GPR153: variants seen among roughly 807,000 people sequenced by gnomAD.
GPR153 encodes the protein G protein-coupled receptor 153, also known as probable G protein-coupled receptor 153.
In GPR153, 27 loss-of-function variants were observed where a neutral mutation model predicts 34.1. The observed-to-expected ratio is 0.79, with a 90% CI of 0.58 to 1.09. GPR153 has a LOEUF of 1.09. Among genes scored for constraint, GPR153 ranks in the 50% least tolerant of loss-of-function variants. GPR153 has a pLI of 0.00. For missense variants in GPR153, 848 were observed against 860.2 expected (o/e 0.99, Z 0.18); for synonymous variants, 408 against 405.4 (o/e 1.01, Z -0.08).
rs1638381773 is a variant in GPR153 at position 6,249,441 on chromosome 1, C to T, written c.1727G>A (p.Arg576His). The T allele has an allele frequency of 3.7e-6, 5 of 1,361,058 alleles. No homozygotes were observed. Among genetic ancestry groups the T allele is most frequent in the Non-Finnish European group, 4.7e-6 (5 of 1,061,160 alleles). 84.3% of individuals were successfully genotyped at this position (1,361,058 alleles called of 1,614,324 possible). ...SASWGEPGGLRAAGGGGSTSS... is the reference protein window; with the variant it reads ...SASWGEPGGLHAAGGGGSTSS... ...GGTGCTGCCGCCGCCGCCCGCCGCG[C>T]GCAGCCCCCCGGGCTCGCCCCACGA... The change falls in exon 6 of 6, where the codon CGC (arginine) becomes CAC (histidine). Residue 576 changes from arginine (R) to histidine (H), a missense_variant. Coordinates refer to ENST00000377893, the MANE Select transcript of GPR153 (RefSeq NM_207370.4). This position sits in a 1 kb window ranked among gnomAD's most constrained non-coding sequence, Gnocchi z 4.3.
In GPR153 at chr1:6,249,550, GCGTCGGGGCCTCTCCGGGATCTGCGC is replaced by G; in HGVS notation, c.1592_1617del (p.Gly531AlafsTer166). 8.4e-7 allele frequency: 1 copy of G among 1,194,974 alleles called. No individual in the cohort carries two copies. The highest frequency in any genetic ancestry group is 3.3e-4 in the Middle Eastern group (1 of 3,028). The allele number at this position is 1,194,974 out of a possible 1,614,324, so 74.0% of individuals were successfully genotyped here. On this transcript the variant is annotated frameshift_variant, in exon 6 of 6. Coordinates refer to ENST00000377893, the MANE Select transcript of GPR153 (RefSeq NM_207370.4). LOFTEE classifies it low-confidence loss of function (END_TRUNC). The surrounding 1 kb of genome is among the most constrained non-coding windows in gnomAD (Gnocchi z 4.3). ...GGGCTCCGCTGGGCGCTGCTTGGGG[GCGTCGGGGCCTCTCCGGGATCTGCGC>G]CGTCGGGGGCGGCGGGCGCAGCGGG...
rs772445791 is a variant in GPR153, at chr1:6,254,678, G to A, written c.228C>T (p.Phe76=). Reference sequence around the variant, plus strand: ...CCTTGCAGAGACCCTCATTCCACTCGAAGTCGGGGCGCTGCCGCCGCAGCT... The same window carrying A: ...CCTTGCAGAGACCCTCATTCCACTCAAAGTCGGGGCGCTGCCGCCGCAGCT... The part of the protein sequence containing the change: ...VVQLRRQRPD[F]EWNEGLCKVF... The change falls in exon 2 of 6, where the codon TTC becomes TTT. Residue 76 remains phenylalanine, a synonymous_variant. Coordinates refer to ENST00000377893, the MANE Select transcript of GPR153 (RefSeq NM_207370.4). 38 of 1,613,582 alleles carry A rather than the reference G, an allele frequency of 2.4e-5. 1 individual carries two copies. The highest frequency in any genetic ancestry group is 1.4e-4 in the South Asian group (13 of 91,032).
chr1:6,257,051 T>C (rs981612858), intron 1 of GPR153, among the ~76,000 whole-genome samples: 2 of 152,190 alleles, frequency 1.3e-5, no homozygotes, highest in Non-Finnish European at 2.9e-5. Context: ...CAAAGCTCAA[T>C]ATCTGGGCTC....
chr1:6,249,458 G>T lies in GPR153; in HGVS notation c.1710C>A (p.Gly570=). The change falls in exon 6 of 6, where the codon GGC becomes GGA. Residue 570 remains glycine, a synonymous_variant. Transcript: ENST00000377893. The surrounding 1 kb of genome is among the most constrained non-coding windows in gnomAD (Gnocchi z 4.3). Reference sequence around the variant, plus strand: ...CCGCCGCGCGCAGCCCCCCGGGCTCGCCCCACGACGCGCTCAGGCCGGGGC... The same window carrying T: ...CCGCCGCGCGCAGCCCCCCGGGCTCTCCCCACGACGCGCTCAGGCCGGGGC... ...SLRPGLSASW[G]EPGGLRAAGG... 7.5e-7 allele frequency: 1 copy of T among 1,335,040 alleles called. No individual in the cohort carries two copies. Among genetic ancestry groups the T allele is most frequent in the South Asian group, 2.0e-5 (1 of 50,660 alleles). The allele number at this position is 1,335,040 out of a possible 1,614,324, so 82.7% of individuals were successfully genotyped here.
At chr1:6,256,138 T>A (rs2100991923) in intron 1 of GPR153, among the ~76,000 whole-genome samples, 1 of 152,152 alleles carries the variant, frequency 6.6e-6, no homozygotes, top group East Asian at 1.9e-4. Flanking sequence ...GGGTTTAATG[T>A]CTTTACAAAA....
rs915210001 is a variant in GPR153, at chr1:6,248,334, G to C, written c.*1004C>G. 4.6e-5 allele frequency: 7 copies of C among 152,338 alleles called. No individual in the cohort carries two copies. The highest frequency in any genetic ancestry group is 1.7e-4 in the African/African-American group (7 of 41,444). The allele number at this position is 152,338 out of a possible 1,614,324, so 9.4% of individuals were successfully genotyped here. A position where few individuals can be genotyped will look rare whatever the true frequency, so the allele number is the denominator to read the frequency against. On this transcript the variant is annotated 3_prime_UTR_variant, in exon 6 of 6. Coordinates refer to ENST00000377893, the MANE Select transcript of GPR153 (RefSeq NM_207370.4). The stretch of plus-strand genomic sequence containing the variant: ...TCCTGGCCAGGCCTGCACGGGTGGG[G>C]AGTGAGGCTGGGGATGACGCAGGGA...
chr1:6,255,339 C>G (rs1262521582), intron 1 of GPR153, among the ~76,000 whole-genome samples: 10 of 151,976 alleles, frequency 6.6e-5, no homozygotes, highest in Admixed American at 6.6e-4. Flanking sequence ...GCTGGGACTA[C>G]AGGCGCCTGC....
At chr1:6,257,408 C>G (rs936114144) in intron 1 of GPR153, among the ~76,000 whole-genome samples, 2 of 152,216 alleles carry the variant, frequency 1.3e-5, no homozygotes, top group Non-Finnish European at 2.9e-5. Flanking sequence ...TGTCAGCCCC[C>G]AGCTGGTCTT....
In GPR153 at chr1:6,251,178, C is replaced by A. The variant is rs1638439767; in HGVS notation, c.979+160G>T. Among the ~76,000 whole-genome samples the A allele has an allele frequency of 6.6e-6, 1 of 152,138 alleles. No individual in the cohort carries two copies. The highest frequency in any genetic ancestry group is 2.1e-4 in the South Asian group (1 of 4,824). ...GCCCTGTGGGAACCTGGCTTAGGTC[C>A]CTTGGACATTCAAGTACATTTGGGG... On this transcript the variant is annotated intron_variant, in intron 4 of 5. Coordinates refer to ENST00000377893, the MANE Select transcript of GPR153 (RefSeq NM_207370.4). The surrounding 1 kb of genome is among the most constrained non-coding windows in gnomAD (Gnocchi z 4.9).
Position 6,255,019 on chromosome 1 carries a change from G to C in GPR153, c.-109-5C>G, listed in dbSNP as rs990996955. The C allele has an allele frequency of 1.5e-5, 11 of 710,456 alleles. No individual in the cohort carries two copies. Among genetic ancestry groups the C allele is most frequent in the South Asian group, 4.5e-5 (2 of 44,608 alleles). 44.0% of individuals were successfully genotyped at this position (710,456 alleles called of 1,614,324 possible). A position where few individuals can be genotyped will look rare whatever the true frequency, so the allele number is the denominator to read the frequency against. ...GATGCTGGGGACCACGAGCATCTGT[G>C]GGGGGGTGGCAGTGGGCACTCAGTG... On this transcript the variant is annotated splice_region_variant and splice_polypyrimidine_tract_variant and intron_variant, in intron 1 of 5. Coordinates refer to ENST00000377893, the MANE Select transcript of GPR153 (RefSeq NM_207370.4).
At chr1:6,250,173 G>C in intron 5 of GPR153, 170 bp from the exon 6 acceptor site, 2 of 985,446 alleles carry the variant, frequency 2.0e-6, no homozygotes, top group Non-Finnish European at 2.4e-6. Context: ...CCGCAGGGCT[G>C]TGTCAGACAG....
chr1:6,259,405 C>T (rs1251662655), intron 1 of GPR153, among the ~76,000 whole-genome samples: 1 of 152,096 alleles, frequency 6.6e-6, no homozygotes, highest in Admixed American at 6.5e-5. Flanking sequence ...GCTGTTTGCC[C>T]GGCCAGCACT....
chr1:6,251,267 G>T lies in GPR153; in HGVS notation c.979+71C>A, dbSNP rs1300119057. ...TCCTTAGTGGCGTTGCCTGACAGCC[G>T]TTTTCCTGCCAACCCCAATGACCTA... On this transcript the variant is annotated intron_variant, in intron 4 of 5. Transcript: ENST00000377893. This position sits in a 1 kb window ranked among gnomAD's most constrained non-coding sequence, Gnocchi z 4.9. The T allele has an allele frequency of 2.3e-6, 3 of 1,299,734 alleles. No homozygotes were observed. The highest frequency in any genetic ancestry group is 1.5e-5 in the African/African-American group (1 of 67,486). 80.5% of individuals were successfully genotyped at this position (1,299,734 alleles called of 1,614,324 possible). A position where few individuals can be genotyped will look rare whatever the true frequency, so the allele number is the denominator to read the frequency against.
rs1348625182 is a variant in GPR153 at position 6,251,548 on chromosome 1, G to A, written c.787-18C>T. 5.8e-6 allele frequency: 9 copies of A among 1,564,474 alleles called. No individual in the cohort carries two copies. Among genetic ancestry groups the A allele is most frequent in the Non-Finnish European group, 6.9e-6 (8 of 1,158,224 alleles). On this transcript the variant is annotated intron_variant, in intron 3 of 5. Transcript: ENST00000377893. This position sits in a 1 kb window ranked among gnomAD's most constrained non-coding sequence, Gnocchi z 4.9. ...CTCACCACCTGTGGGCACAGGGCTCGGCCTGGCACCTGCAGGACCCCCCAC... is the reference window on the plus strand; with the variant it reads ...CTCACCACCTGTGGGCACAGGGCTCAGCCTGGCACCTGCAGGACCCCCCAC...
At chr1:6,253,277 A>G (rs138857197) in intron 3 of GPR153, among the ~76,000 whole-genome samples, 49 of 152,284 alleles carry the variant, frequency 3.2e-4, no homozygotes, top group Admixed American at 1.2e-3. Flanking sequence ...GGCACCTGTA[A>G]TCCCAGCTAC....
At position 6,254,615 on chromosome 1, in the gene GPR153, G is replaced by C; in HGVS notation, c.291C>G (p.Thr97=). ...VSTFYTLTLA[T]CFSVTSLSYH... ...AGGAGAGGGAGGTGACAGAGAAACA[G>C]GTGGCCAGGGTGAGGGTGTAGAAGG... Residue 97 remains threonine (T), a synonymous_variant, in exon 2 of 6, where the codon ACC becomes ACG. Transcript: ENST00000377893. The C allele has an allele frequency of 1.2e-6, 2 of 1,610,586 alleles. No homozygotes were observed. Among genetic ancestry groups the C allele is most frequent in the South Asian group, 1.1e-5 (1 of 90,536 alleles).
At chr1:6,253,586 TG>T in intron 3 of GPR153, 131 bp downstream of exon 3, 1 of 869,182 alleles carries the variant, frequency 1.2e-6, no homozygotes, top group South Asian at 2.1e-5. Flanking sequence ...TTTCCAAATC[TG>T]GAAAATGGGG....
chr1:6,249,906 A>C lies in GPR153; in HGVS notation c.1262T>G (p.Leu421Arg). 3.9e-6 allele frequency: 5 copies of C among 1,293,858 alleles called. No individual in the cohort carries two copies. The highest frequency in any genetic ancestry group is 4.9e-6 in the Non-Finnish European group (5 of 1,017,350). The allele number at this position is 1,293,858 out of a possible 1,614,324, so 80.1% of individuals were successfully genotyped here. A position where few individuals can be genotyped will look rare whatever the true frequency, so the allele number is the denominator to read the frequency against. ...FLPRWGSGED[L>R]AALAHLVLPA... ...CAGCACCAGGTGCGCCAGGGCGGCC[A>C]GGTCCTCGCCGGAGCCCCAGCGCGG... The change falls in exon 6 of 6, where the codon CTG (leucine) becomes CGG (arginine). Residue 421 changes from leucine (L) to arginine (R), a missense_variant. Transcript: ENST00000377893. The surrounding 1 kb of genome is among the most constrained non-coding windows in gnomAD (Gnocchi z 4.3).
At chr1:6,258,665 C>T (rs978141180) in intron 1 of GPR153, among the ~76,000 whole-genome samples, 2 of 152,320 alleles carry the variant, frequency 1.3e-5, no homozygotes, top group South Asian at 2.1e-4. Flanking sequence ...GTGGTCTTTA[C>T]GCTCTCAAAT....
Sources: gnomAD v4.1 joint callset for allele counts (sites outside exome capture counted in the v4.1 genomes callset) on GRCh38, gnomAD v4.1.1 for gene constraint, Gnocchi (gnomAD v3.1) non-coding constraint, MANE v1.5 for transcripts, NCBI Gene and HGNC (gene_info 2026-07-23, HGNC 2026-07-21) for gene names.